Variants in MSH6 observed in about 807,000 individuals in gnomAD.
The protein encoded by MSH6 is DNA mismatch repair protein Msh6.
A neutral mutation model predicts 119.1 loss-of-function variants in MSH6; 85 were observed. The ratio of observed to expected loss-of-function variants is 0.71; its 90% CI spans 0.60 to 0.85. MSH6 has a LOEUF of 0.85. MSH6 is among the 40% of genes least tolerant of loss of function. The pLI is 0.00. For synonymous variants in MSH6, 830 were observed against 586.9 expected (o/e 1.41, Z -5.99); for missense variants, 2,163 against 1,655.3 (o/e 1.31, Z -5.32).
chr2:47,796,080 A>T lies in MSH6; in HGVS notation c.627+17A>T, dbSNP rs768348101. ...GAGATGGAGGTGGGACACGGCAAGCATTCAGTTGTTATTTATGTTAGGGTG... is the reference window on the plus strand; with the variant it reads ...GAGATGGAGGTGGGACACGGCAAGCTTTCAGTTGTTATTTATGTTAGGGTG... On this transcript the variant is annotated intron_variant, in intron 3 of 9. Transcript: ENST00000234420. The T allele has an allele frequency of 1.7e-5, 27 of 1,613,670 alleles. No individual in the cohort carries two copies. Among genetic ancestry groups the T allele is most frequent in the Non-Finnish European group, 2.3e-5 (27 of 1,179,858 alleles).
At chr2:47,807,077 C>T (rs534233338), downstream of MSH6, 1 of 549,742 alleles carries the variant, frequency 1.8e-6, no homozygotes, top group African/African-American at 1.9e-5. Context: ...CATACACTTT[C>T]AGGCTGTTTT....
In MSH6 at chr2:47,806,804, T is replaced by TCAA. The variant is rs772655560; in HGVS notation, c.4029_4031dup (p.Thr1344dup). On this transcript the variant is annotated inframe_insertion, in exon 10 of 10. Coordinates refer to ENST00000234420, the MANE Select transcript of MSH6 (RefSeq NM_000179.3). ...GGAAGTTTGCCTGGCTAGTGAAAGG[T>TCAA]CAACTGTAGATGCTGAAGCTGTCCA... 6.2e-7 allele frequency: 1 copy of TCAA among 1,609,720 alleles called. No homozygotes were observed. The highest frequency in any genetic ancestry group is 1.3e-5 in the African/African-American group (1 of 74,436).
At chr2:47,793,318 CAAAAA>C (rs34250836) in intron 2 of MSH6, among the ~76,000 whole-genome samples, 45 of 48,816 alleles carry the variant, frequency 9.2e-4, no homozygotes, top group Admixed American at 5.0e-3. Flanking sequence ...GAGACTGTCT[CAAAAA>C]AAAAAAAAAA....
Position 47,799,818 on chromosome 2 carries a change from C to T in MSH6, c.1835C>T (p.Ser612Leu), listed in dbSNP as rs63750564. 2 of 1,614,202 alleles carry T rather than the reference C, an allele frequency of 1.2e-6. No homozygotes were observed. The highest frequency in any genetic ancestry group is 8.5e-7 in the Non-Finnish European group (1 of 1,180,028). ...SKETKTILKSSLSCSLQEGLI... is the reference protein window; with the variant it reads ...SKETKTILKSLLSCSLQEGLI... ...GAAACTAAAACAATTCTAAAGAGTT[C>T]ATTGTCCTGTTCTCTTCAGGAAGGT... The change falls in exon 4 of 10, where the codon TCA (serine) becomes TTA (leucine). Residue 612 changes from serine (S) to leucine (L), a missense_variant. Coordinates refer to ENST00000234420, the MANE Select transcript of MSH6 (RefSeq NM_000179.3).
downstream of MSH6, chr2:47,808,470 T>TA: frequency 4.0e-6 from 6 of 1,497,036 alleles, no homozygotes; most frequent in Non-Finnish European, 5.4e-6. Flanking sequence ...AACATGTCAT[T>TA]AATGCAAAAC....
intron 5 of MSH6, among the ~76,000 whole-genome samples, chr2:47,804,204 A>C (rs1185252561): frequency 6.6e-6 from 1 of 151,940 alleles, no homozygotes; most frequent in Non-Finnish European, 1.5e-5. Flanking sequence ...TCGAACTCCC[A>C]GGTTCAACCC....
rs1334827373 is a variant in MSH6, at chr2:47,796,051, A to C, written c.615A>C (p.Glu205Asp). 1.2e-6 allele frequency: 2 copies of C among 1,614,134 alleles called. No individual in the cohort carries two copies. Among genetic ancestry groups the C allele is most frequent in the Non-Finnish European group, 1.7e-6 (2 of 1,180,006 alleles). ...ATGAGCCCTCAGAGCCAGAAGAGGA[A>C]GAAGAGATGGAGGTGGGACACGGCA... is the stretch of plus-strand genomic sequence containing the variant. The part of the protein sequence containing the change: ...VCDEPSEPEE[E>D]EEMEVGTTYV... Residue 205 changes from glutamate (E) to aspartate (D), a missense_variant, in exon 3 of 10, where the codon GAA (glutamate) becomes GAC (aspartate). By Grantham distance (45) the Glu-to-Asp change is conservative. Transcript: ENST00000234420.
intron 2 of MSH6, among the ~76,000 whole-genome samples, chr2:47,794,665 C>G (rs1338508034): frequency 6.6e-6 from 1 of 151,896 alleles, no homozygotes; most frequent in Non-Finnish European, 1.5e-5. Context: ...TGTGAAGGCC[C>G]CTTAAAGTAG....
At chr2:47,807,695 AAGTGCT>A, downstream of MSH6, 1 of 233,244 alleles carries the variant, frequency 4.3e-6, no homozygotes, top group Non-Finnish European at 8.5e-6. Context: ...AGGAACGCAG[AAGTGCT>A]AGCTCACATT....
rs1558395169 is a variant in MSH6 at position 47,806,739 on chromosome 2, A to AAAAC, written c.4002-36_4002-33dup. The AAAAC allele has an allele frequency of 3.8e-6, 6 of 1,561,086 alleles. No homozygotes were observed. In the South Asian group the frequency reaches 6.9e-5, roughly 18 times the overall value. On this transcript the variant is annotated intron_variant, in intron 9 of 9. Coordinates refer to ENST00000234420, the MANE Select transcript of MSH6 (RefSeq NM_000179.3). The stretch of plus-strand genomic sequence containing the variant: ...AGGGGAAGGGATGATGCACTATGAA[A>AAAAC]AAACAAAAAAACTTTTTTTTTTTTT...
Position 47,805,025 on chromosome 2 carries a change from CAGG to C in MSH6, c.3555_3556+1del. ...CTTGGTGCCTCAGACAGAATAATGT[CAGG>C]TGAGTTTTTTGTTTCCCACTTAAGT... On this transcript the variant is annotated splice_donor_variant and coding_sequence_variant, in exon 6 of 10. Transcript: ENST00000234420. LOFTEE classifies it high-confidence loss of function. 1 of 1,606,964 alleles carries C rather than the reference CAGG, an allele frequency of 6.2e-7. No homozygotes were observed. The highest frequency in any genetic ancestry group is 8.5e-7 in the Non-Finnish European group (1 of 1,173,490).
At chr2:47,784,567 A>C (rs1344726042) in intron 1 of MSH6, 1 of 150,232 alleles carries the variant, frequency 6.7e-6, no homozygotes, top group African/African-American at 2.5e-5. Flanking sequence ...GCTTCAAGCG[A>C]TTCCCCAGCT....
chr2:47,793,318 CAAAAAAAA>C (rs34250836), intron 2 of MSH6, among the ~76,000 whole-genome samples: 79 of 48,806 alleles, frequency 1.6e-3, no homozygotes, highest in African/African-American at 5.9e-3. Context: ...GAGACTGTCT[CAAAAAAAA>C]AAAAAAAAAA....
chr2:47,786,929 C>CCCAG (rs1439078795), intron 1 of MSH6, among the ~76,000 whole-genome samples: 1 of 152,158 alleles, frequency 6.6e-6, no homozygotes, highest in Non-Finnish European at 1.5e-5. Flanking sequence ...AGCCACCACA[C>CCCAG]CCAGCCTTAT....
intron 1 of MSH6, among the ~76,000 whole-genome samples, chr2:47,789,734 C>A (rs1365002310): frequency 3.3e-5 from 5 of 152,166 alleles, no homozygotes; most frequent in Admixed American, 3.3e-4. Context: ...CACATCTTCC[C>A]CTGTACTTTA....
At position 47,806,486 on chromosome 2, in the gene MSH6, G is replaced by A. The variant is rs864622400; in HGVS notation, c.3836G>A (p.Ser1279Asn). ...CMVENECEDP[S>N]QETITFLYKF... ...GTAGAAAATGAATGTGAAGACCCCAGCCAGGAGACTATTACGTTCCTCTAT... is the reference window on the plus strand; with the variant it reads ...GTAGAAAATGAATGTGAAGACCCCAACCAGGAGACTATTACGTTCCTCTAT... The change falls in exon 9 of 10, where the codon AGC becomes AAC. Residue 1279 changes from serine to asparagine, a missense_variant. Transcript: ENST00000234420. 4.3e-6 allele frequency: 7 copies of A among 1,614,046 alleles called. No individual in the cohort carries two copies. Among genetic ancestry groups the A allele is most frequent in the Non-Finnish European group, 5.9e-6 (7 of 1,179,992 alleles).
At chr2:47,809,746 A>ATAC, downstream of MSH6, 1 of 1,353,772 alleles carries the variant, frequency 7.4e-7, no homozygotes, top group Non-Finnish European at 1.0e-6. Context: ...ACATCACTTT[A>ATAC]TACTGCTTCT....
At position 47,800,771 on chromosome 2, in the gene MSH6, A is replaced by G. The variant is rs878853719; in HGVS notation, c.2788A>G (p.Lys930Glu). The change falls in exon 4 of 10, where the codon AAA becomes GAA. Residue 930 changes from lysine (K) to glutamate (E), a missense_variant. Lys to Glu is a moderately conservative substitution (Grantham distance 56). Coordinates refer to ENST00000234420, the MANE Select transcript of MSH6 (RefSeq NM_000179.3). The part of the protein sequence containing the change: ...KARKTGLITP[K>E]AGFDSDYDQA... ...TCGAAAGACTGGACTTATTACTCCC[A>G]AAGCAGGCTTTGACTCTGATTATGA... 6.2e-7 allele frequency: 1 copy of G among 1,614,178 alleles called. No homozygotes were observed. Among genetic ancestry groups the G allele is most frequent in the Non-Finnish European group, 8.5e-7 (1 of 1,180,022 alleles).
At chr2:47,783,970 G>T in intron 1 of MSH6, 10 of 1,037,630 alleles carry the variant, frequency 9.6e-6, no homozygotes, top group Non-Finnish European at 1.2e-5. Context: ...CGGTGGTGTG[G>T]GGTGCGAAAG....
Sources: gnomAD v4.1 joint callset for allele counts (sites outside exome capture counted in the v4.1 genomes callset) on GRCh38, gnomAD v4.1.1 for gene constraint, MANE v1.5 for transcripts, NCBI Gene and HGNC (gene_info 2026-07-23, HGNC 2026-07-21) for gene names.